The following IPMK variants were observed in gnomAD, a reference collection of about 807,000 sequenced individuals.
IPMK encodes the protein inositol polyphosphate multikinase.
IPMK carries 17 observed loss-of-function variants against 45.8 expected under a neutral mutation model. The observed-to-expected ratio is 0.37, with a 90% CI of 0.25 to 0.56. The LOEUF (loss-of-function observed/expected upper bound fraction) is 0.56, where lower values mean the gene tolerates loss of function less well. Ranked by LOEUF, IPMK falls within the 20% of genes least tolerant of loss-of-function variation. The pLI is 0.79. For missense variants in IPMK, 399 were observed against 498.0 expected, an observed-to-expected ratio of 0.80 and a Z score of 1.89; for synonymous variants, 180 against 184.3, an observed-to-expected ratio of 0.98 and a Z score of 0.19.
intron 2 of IPMK, among the ~76,000 whole-genome samples, chr10:58,228,874 G>GA (rs1323791356): frequency 6.6e-6 from 1 of 151,306 alleles, no homozygotes; most frequent in East Asian, 1.9e-4. Context: ...AGCTCTCAAG[G>GA]AAAAAAAAGG....
In IPMK at chr10:58,233,543, G is replaced by A. The variant is rs11516726; in HGVS notation, c.276+4186C>T. 9.5e-3 allele frequency among the ~76,000 whole-genome samples: 1,444 copies of A among 152,008 alleles called. 14 individuals carry two copies. The highest frequency in any genetic ancestry group is 0.04 in the South Asian group (192 of 4,814). ...ATACGCAAATCAATAAACGTAATCC[G>A]TCACATAAACAGAACCAACGACAAA... On this transcript the variant is annotated intron_variant, in intron 2 of 5. Transcript: ENST00000373935.
At chr10:58,231,461 C>G (rs920655765) in intron 2 of IPMK, among the ~76,000 whole-genome samples, 1 of 152,202 alleles carries the variant, frequency 6.6e-6, no homozygotes, top group African/African-American at 2.4e-5. Flanking sequence ...GGAAGCCCAT[C>G]AGACTAACAG....
intron 2 of IPMK, among the ~76,000 whole-genome samples, chr10:58,232,792 C>T (rs1838545307): frequency 6.6e-6 from 1 of 152,182 alleles, no homozygotes; most frequent in African/African-American, 2.4e-5. Flanking sequence ...AGAGCAAACA[C>T]ATTCAAAAGC....
At position 58,264,181 on chromosome 10, in the gene IPMK, C is replaced by A. The variant is rs563946378; in HGVS notation, c.190+3241G>T. On this transcript the variant is annotated intron_variant, in intron 1 of 5. Transcript: ENST00000373935. ...TAAGGAAGACACACTTTAGTATTAA[C>A]ATGTAAAGTGGCATAATGTATGCAA... is the stretch of plus-strand genomic sequence containing the variant. Among the ~76,000 whole-genome samples the A allele has an allele frequency of 3.3e-5, 5 of 152,312 alleles. No homozygotes were observed. In the East Asian group the frequency reaches 9.6e-4, roughly 29 times the overall value.
chr10:58,260,006 C>T (rs1839038965), intron 1 of IPMK, among the ~76,000 whole-genome samples: 1 of 152,088 alleles, frequency 6.6e-6, no homozygotes. Context: ...AATTACTTAA[C>T]AGCAAAAACG....
chr10:58,220,596 A>G lies in IPMK; in HGVS notation c.374-4279T>C, dbSNP rs192529503. On this transcript the variant is annotated intron_variant, in intron 3 of 5. Transcript: ENST00000373935. ...TACCACAGGGATATTAAGAAGACTA[A>G]ATGAGATAATATACAGTAAAGCACT... Among the ~76,000 whole-genome samples the G allele has an allele frequency of 3.7e-3, 558 of 152,292 alleles. 3 individuals carry two copies. The highest frequency in any genetic ancestry group is 5.9e-3 in the Non-Finnish European group (404 of 68,028).
chr10:58,217,688 C>CAAAAAAAAA (rs11393849), intron 3 of IPMK, among the ~76,000 whole-genome samples: 1,034 of 49,154 alleles, frequency 0.021, 143 homozygotes, highest in African/African-American at 0.069. Flanking sequence ...AACTCCATCT[C>CAAAAAAAAA]AAAAAAAAAA....
rs1305268788 is a variant in IPMK, at chr10:58,192,566, C to A, written c.*3510G>T. ...TATTTAGATGCCTATTTTTCTATAT[C>A]TCTATTTTAATTAAGTCCCCAATCC... is the stretch of plus-strand genomic sequence containing the variant. On this transcript the variant is annotated 3_prime_UTR_variant, in exon 6 of 6. Transcript: ENST00000373935. The A allele has an allele frequency of 6.6e-6, 1 of 151,928 alleles. No homozygotes were observed. Among genetic ancestry groups the A allele is most frequent in the Admixed American group, 6.6e-5 (1 of 15,232 alleles). 9.4% of individuals were successfully genotyped at this position (151,928 alleles called of 1,614,324 possible).
At chr10:58,265,894 T>C (rs2790169) in intron 1 of IPMK, among the ~76,000 whole-genome samples, 51,473 of 152,074 alleles carry the variant, frequency 0.34, 10,962 homozygotes, top group African/African-American at 0.61. Context: ...TTAAAATCTA[T>C]TCTCCTTTGC....
chr10:58,246,531 C>T (rs1432712581), intron 1 of IPMK, among the ~76,000 whole-genome samples: 37 of 139,262 alleles, frequency 2.7e-4, no homozygotes. Context: ...TTTGACAAAC[C>T]TGATAAAAAC....
chr10:58,228,138 G>A (rs1189760855), intron 2 of IPMK, among the ~76,000 whole-genome samples: 1 of 152,190 alleles, frequency 6.6e-6, no homozygotes, highest in African/African-American at 2.4e-5. Context: ...TTTAGAGTAA[G>A]TATACCTGAA....
At position 58,229,562 on chromosome 10, in the gene IPMK, CAA is replaced by C. The variant is rs574403627; in HGVS notation, c.277-2425_277-2424del. Among the ~76,000 whole-genome samples, 436 of 72,936 alleles carry C rather than the reference CAA, an allele frequency of 6.0e-3. 3 individuals carry two copies. The highest frequency in any genetic ancestry group is 0.031 in the Middle Eastern group (4 of 130). The allele number at this position is 72,936 out of a possible 152,430, so 47.8% of individuals were successfully genotyped here. ...TGGGCAACAGAGCGAGACCACGTCT[CAA>C]AAAAAAAAAAAAAAAAGTAATCTAA... On this transcript the variant is annotated intron_variant, in intron 2 of 5. Transcript: ENST00000373935.
rs1203980487 is a variant in IPMK, at chr10:58,194,155, T to C, written c.*1921A>G. ...AAAAATCTGACAATACTTAAGTTTA[T>C]TAAATTCATTGTACATAGGTTGATA... is the stretch of plus-strand genomic sequence containing the variant. On this transcript the variant is annotated 3_prime_UTR_variant, in exon 6 of 6. Transcript: ENST00000373935. 1 of 151,864 alleles carries C rather than the reference T, an allele frequency of 6.6e-6. No individual in the cohort carries two copies. The highest frequency in any genetic ancestry group is 2.4e-5 in the African/African-American group (1 of 41,438). 9.4% of individuals were successfully genotyped at this position (151,864 alleles called of 1,614,324 possible). A position where few individuals can be genotyped will look rare whatever the true frequency, so the allele number is the denominator to read the frequency against.
chr10:58,259,460 T>TAATGAATGAATG (rs138646652), intron 1 of IPMK, among the ~76,000 whole-genome samples: 1 of 149,730 alleles, frequency 6.7e-6, no homozygotes, highest in Non-Finnish European at 1.5e-5. Context: ...TCCACCTTAA[T>TAATGAATGAATG]AATGAATGAA....
intron 5 of IPMK, 91 bp from the exon 6 acceptor site, chr10:58,196,789 C>T: frequency 1.1e-6 from 1 of 874,406 alleles, no homozygotes; most frequent in Non-Finnish European, 1.7e-6. Context: ...CCAATATTTT[C>T]CCCATCATCC....
chr10:58,233,822 A>G (rs149753374), intron 2 of IPMK, among the ~76,000 whole-genome samples: 344 of 152,328 alleles, frequency 2.3e-3, no homozygotes, highest in African/African-American at 7.9e-3. Context: ...GGCCAGGGCA[A>G]TCAGGCAGGA....
intron 2 of IPMK, among the ~76,000 whole-genome samples, chr10:58,233,831 G>C (rs1041489457): frequency 3.3e-5 from 5 of 152,172 alleles, no homozygotes; most frequent in Non-Finnish European, 7.3e-5. Context: ...AATCAGGCAG[G>C]AGAAAGAAGT....
At chr10:58,201,505 C>T (rs1335179889) in intron 4 of IPMK, among the ~76,000 whole-genome samples, 2 of 152,100 alleles carry the variant, frequency 1.3e-5, no homozygotes, top group Non-Finnish European at 2.9e-5. Context: ...TATGTGTGTC[C>T]TGACTGTTCC....
intron 1 of IPMK, among the ~76,000 whole-genome samples, chr10:58,255,288 A>G (rs1014350596): frequency 1.3e-5 from 2 of 152,232 alleles, no homozygotes; most frequent in African/African-American, 4.8e-5. Flanking sequence ...TTCCTGTGAC[A>G]TGGAGCTGGA....
Sources: allele counts gnomAD v4.1 joint callset (sites outside exome capture counted in the v4.1 genomes callset), GRCh38; gene constraint gnomAD v4.1.1; transcripts MANE v1.5; gene names NCBI Gene and HGNC (gene_info 2026-07-23, HGNC 2026-07-21).